The following SI variants were observed in gnomAD, a reference collection of about 807,000 sequenced individuals.
The protein encoded by SI is sucrase-isomaltase, intestinal.
SI carries 235 observed loss-of-function variants against 253.3 expected under a neutral mutation model. That is an observed-to-expected ratio of 0.93 (90% CI 0.83 to 1.03). The LOEUF (loss-of-function observed/expected upper bound fraction) is 1.03, where lower values mean the gene tolerates loss of function less well. Ranked by LOEUF, SI falls within the 50% of genes least tolerant of loss-of-function variation. SI has a pLI of 0.00. For synonymous variants in SI, 819 were observed against 712.0 expected (o/e 1.15, Z -2.39); for missense variants, 2,442 against 2,211.1 (o/e 1.10, Z -2.09).
intron 27 of SI, among the ~76,000 whole-genome samples, 184 bp downstream of exon 27, chr3:165,021,045 C>A (rs1711581481): frequency 6.6e-6 from 1 of 151,284 alleles, no homozygotes; most frequent in African/African-American, 2.4e-5. Context: ...GTGGGCCAAT[C>A]CTTTAAAATA....
At chr3:165,049,500 CA>C (rs1713319981) in intron 14 of SI, among the ~76,000 whole-genome samples, 1 of 151,972 alleles carries the variant, frequency 6.6e-6, no homozygotes, top group Admixed American at 6.6e-5. Flanking sequence ...ACTTCGATAA[CA>C]AATAATTTAA....
intron 7 of SI, 74 bp from the exon 8 acceptor site, chr3:165,063,615 T>C (rs949404253): frequency 1.0e-5 from 7 of 693,336 alleles, no homozygotes; most frequent in Non-Finnish European, 1.5e-5. Context: ...TTTTATATGC[T>C]CTTCATGAAT....
At chr3:165,038,685 T>C (rs1560001790) in intron 20 of SI, among the ~76,000 whole-genome samples, 1 of 152,022 alleles carries the variant, frequency 6.6e-6, no homozygotes. Context: ...TATTTGAATA[T>C]ACCATATAAA....
intron 37 of SI, among the ~76,000 whole-genome samples, 192 bp downstream of exon 37, chr3:165,006,622 CAA>C (rs1214695655): frequency 6.6e-6 from 1 of 151,720 alleles, no homozygotes; most frequent in Non-Finnish European, 1.5e-5. Context: ...AGAATAATAA[CAA>C]TAAAGATATT....
chr3:165,024,558 C>G (rs923488120), intron 25 of SI, among the ~76,000 whole-genome samples: 5 of 151,198 alleles, frequency 3.3e-5, no homozygotes, highest in Admixed American at 6.6e-5. Flanking sequence ...GACTCATCTT[C>G]TTAAGGGTGT....
rs1714291862 is a variant in SI, at chr3:165,067,256, T to TCTA, written c.635+81_635+83dup. Reference sequence around the variant, plus strand: ...ACCCTCTTTTGGGAGGAAATTTATTTCTACTGAAAATGTCTTGAAATTAAG... The same window carrying TCTA: ...ACCCTCTTTTGGGAGGAAATTTATTTCTACTACTGAAAATGTCTTGAAATTAAG... On this transcript the variant is annotated intron_variant, in intron 6 of 47. Transcript: ENST00000264382. 3.8e-6 allele frequency: 4 copies of TCTA among 1,060,828 alleles called. No individual in the cohort carries two copies. In the Admixed American group the frequency reaches 9.7e-5, roughly 26 times the overall value. The allele number at this position is 1,060,828 out of a possible 1,614,324, so 65.7% of individuals were successfully genotyped here.
chr3:165,063,537 T>C lies in SI; in HGVS notation c.812A>G (p.Asn271Ser). 1 of 1,396,572 alleles carries C rather than the reference T, an allele frequency of 7.2e-7. No individual in the cohort carries two copies. Among genetic ancestry groups the C allele is most frequent in the Non-Finnish European group, 1.0e-6 (1 of 989,410 alleles). The allele number at this position is 1,396,572 out of a possible 1,614,324, so 86.5% of individuals were successfully genotyped here. The change falls in exon 8 of 48, where the codon AAT (asparagine) becomes AGT (serine). Residue 271 changes from asparagine to serine, a missense_variant. Physicochemically the swap from Asn to Ser is conservative, Grantham distance 46 (BLOSUM62 1). Transcript: ENST00000264382. ...TGTTTGATGGCCGTATAAATTATTA[T>C]TATTCTATAAGGCAAGAATTTGAAA... ...FTRDQLPGDN[N>S]NNLYGHQTFF...
chr3:164,985,181 T>C (rs1410934705), intron 45 of SI, among the ~76,000 whole-genome samples: 1 of 152,160 alleles, frequency 6.6e-6, no homozygotes, highest in Admixed American at 6.6e-5. Context: ...GATGCTGTAG[T>C]TGGATAGGAG....
intron 27 of SI, among the ~76,000 whole-genome samples, chr3:165,019,975 T>C (rs947885378): frequency 2.0e-5 from 3 of 151,800 alleles, no homozygotes; most frequent in Non-Finnish European, 2.9e-5. Context: ...TAAAATATGC[T>C]TCATATACTT....
At chr3:165,011,228 A>G (rs903102534) in intron 34 of SI, among the ~76,000 whole-genome samples, 1 of 151,606 alleles carries the variant, frequency 6.6e-6, no homozygotes, top group African/African-American at 2.4e-5. Flanking sequence ...ATTATTCTTC[A>G]TGTGGGTGTT....
At chr3:165,088,380 C>T in the SI span, among the ~76,000 whole-genome samples, 2 of 150,724 alleles carry the variant, frequency 1.3e-5, no homozygotes, top group African/African-American at 4.9e-5. Flanking sequence ...TGTGGTGGCT[C>T]ACACCTGGAA....
At chr3:164,981,399 G>T (rs1029721381) in intron 47 of SI, among the ~76,000 whole-genome samples, 5 of 152,014 alleles carry the variant, frequency 3.3e-5, no homozygotes, top group Admixed American at 6.6e-5. Context: ...ACCTAGGACT[G>T]TGTCCAAATG....
chr3:165,007,203 G>A (rs1718553890), intron 36 of SI, among the ~76,000 whole-genome samples: 1 of 152,014 alleles, frequency 6.6e-6, no homozygotes, highest in South Asian at 2.1e-4. Context: ...ACTCTTTCTA[G>A]TGCATTTAGA....
upstream of SI, among the ~76,000 whole-genome samples, chr3:165,083,001 A>C (rs1433304722): frequency 6.6e-6 from 1 of 151,978 alleles, no homozygotes; most frequent in Non-Finnish European, 1.5e-5. Flanking sequence ...GCCAGGTATC[A>C]TAATCTTTGT....
In SI at chr3:164,999,720, C is replaced by A. The variant is rs140922870; in HGVS notation, c.4407-1047G>T. On this transcript the variant is annotated intron_variant, in intron 37 of 47. Coordinates refer to ENST00000264382, the MANE Select transcript of SI (RefSeq NM_001041.4). Reference sequence around the variant, plus strand: ...TTAATCTTCCTTGCATCCCTTATATCTAATGCAATGCTTGGCATGTAATAG... The same window carrying A: ...TTAATCTTCCTTGCATCCCTTATATATAATGCAATGCTTGGCATGTAATAG... Among the ~76,000 whole-genome samples, 781 of 151,730 alleles carry A rather than the reference C, an allele frequency of 5.1e-3. 4 individuals are homozygous for A. The highest frequency in any genetic ancestry group is 0.017 in the African/African-American group (705 of 41,518).
intron 35 of SI, among the ~76,000 whole-genome samples, chr3:165,008,329 C>T (rs1718614107): frequency 6.6e-6 from 1 of 151,884 alleles, no homozygotes; most frequent in African/African-American, 2.4e-5. Flanking sequence ...CTGCCCTGAG[C>T]CTGATATCAA....
intron 13 of SI, among the ~76,000 whole-genome samples, chr3:165,051,003 C>T (rs374098716): frequency 4.5e-4 from 69 of 152,004 alleles, no homozygotes; most frequent in African/African-American, 1.6e-3. Flanking sequence ...TATCTGAGAC[C>T]GATGGTGTCA....
chr3:165,040,819 C>A, intron 18 of SI, 121 bp downstream of exon 18: 2 of 749,076 alleles, frequency 2.7e-6, no homozygotes, highest in East Asian at 5.2e-5. Context: ...TCATTTACAC[C>A]AATGTAAAAA....
At chr3:165,045,413 T>C (rs1713049946) in intron 16 of SI, among the ~76,000 whole-genome samples, 1 of 152,222 alleles carries the variant, frequency 6.6e-6, no homozygotes, top group Middle Eastern at 3.4e-3. Context: ...AATTGGTTGC[T>C]ATAATAAGTG....
Sources: gnomAD v4.1 joint callset for allele counts (sites outside exome capture counted in the v4.1 genomes callset) on GRCh38, gnomAD v4.1.1 for gene constraint, MANE v1.5 for transcripts, NCBI Gene and HGNC (gene_info 2026-07-23, HGNC 2026-07-21) for gene names.